NECTIN1: variants seen among roughly 807,000 people sequenced by gnomAD.
NECTIN1 encodes the protein nectin cell adhesion molecule 1.
In NECTIN1, 23 loss-of-function variants were observed where a neutral mutation model predicts 48.0. The ratio of observed to expected loss-of-function variants is 0.48; its 90% CI spans 0.34 to 0.68. NECTIN1 has a LOEUF of 0.68. Among genes scored for constraint, NECTIN1 ranks in the 30% least tolerant of loss-of-function variants. NECTIN1 has a pLI of 0.01. For missense variants in NECTIN1, 591 were observed against 709.9 expected, an observed-to-expected ratio of 0.83 and a Z score of 1.90; for synonymous variants, 270 against 288.9, an observed-to-expected ratio of 0.93 and a Z score of 0.66.
intron 4 of NECTIN1, 155 bp downstream of exon 4, chr11:119,676,947 G>A: frequency 1.4e-6 from 1 of 697,774 alleles, no homozygotes; most frequent in Non-Finnish European, 2.6e-6. Context: ...TGTGTTGGGG[G>A]TGGGGGTTGT....
chr11:119,642,588 G>C (rs1337067595), intron 5 of NECTIN1: 2 of 153,668 alleles, frequency 1.3e-5, no homozygotes, highest in African/African-American at 4.8e-5. Flanking sequence ...GGTGGCAGCT[G>C]TCTCTATAAG....
At chr11:119,728,404 C>G in intron 1 of NECTIN1, 71 bp downstream of exon 1, 1 of 1,437,136 alleles carries the variant, frequency 7.0e-7, no homozygotes, top group South Asian at 1.3e-5. Context: ...TCCAGTCGTG[C>G]CCGCCATCCG....
chr11:119,672,360 A>G lies in NECTIN1; in HGVS notation c.1003+2799T>C, dbSNP rs1436275326. On this transcript the variant is annotated intron_variant, in intron 5 of 5. Coordinates refer to ENST00000264025, the MANE Select transcript of NECTIN1 (RefSeq NM_002855.5). This position sits in a 1 kb window ranked among gnomAD's most constrained non-coding sequence, Gnocchi z 4.3. ...ACCCTGGGCCTCTCCCCACCTTGTCATTACCCCAGAGGGAGAAGGGAGGGA... is the reference window on the plus strand; with the variant it reads ...ACCCTGGGCCTCTCCCCACCTTGTCGTTACCCCAGAGGGAGAAGGGAGGGA... Among the ~76,000 whole-genome samples the G allele has an allele frequency of 6.6e-6, 1 of 151,828 alleles. No individual in the cohort carries two copies. Among genetic ancestry groups the G allele is most frequent in the Non-Finnish European group, 1.5e-5 (1 of 67,900 alleles).
At position 119,709,375 on chromosome 11, in the gene NECTIN1, A is replaced by C. The variant is rs1416626456; in HGVS notation, c.79+19100T>G. Among the ~76,000 whole-genome samples, 2 of 152,122 alleles carry C rather than the reference A, an allele frequency of 1.3e-5. No homozygotes were observed. The highest frequency in any genetic ancestry group is 2.4e-5 in the African/African-American group (1 of 41,412). On this transcript the variant is annotated intron_variant, in intron 1 of 5. Transcript: ENST00000264025. The surrounding 1 kb of genome is among the most constrained non-coding windows in gnomAD (Gnocchi z 4.1). ...CCCAGGGCGCCTCTGTCTGCCACGCACTTGCCTGGGCCACTCTGCTACCTG... is the reference window on the plus strand; with the variant it reads ...CCCAGGGCGCCTCTGTCTGCCACGCCCTTGCCTGGGCCACTCTGCTACCTG...
intron 1 of NECTIN1, among the ~76,000 whole-genome samples, chr11:119,703,494 G>A (rs1250658106): frequency 6.6e-6 from 1 of 152,112 alleles, no homozygotes; most frequent in Non-Finnish European, 1.5e-5. Flanking sequence ...ATAGTAGCTG[G>A]TCCCACACAG....
intron 1 of NECTIN1, among the ~76,000 whole-genome samples, chr11:119,707,103 G>A (rs1865561698): frequency 6.6e-6 from 1 of 152,194 alleles, no homozygotes; most frequent in Non-Finnish European, 1.5e-5. Flanking sequence ...TGGGTGGACA[G>A]GGAAAGGCCG....
At chr11:119,726,948 C>A (rs1252215266) in intron 1 of NECTIN1, among the ~76,000 whole-genome samples, 2 of 152,158 alleles carry the variant, frequency 1.3e-5, no homozygotes, top group African/African-American at 4.8e-5. Flanking sequence ...GAAGACCTCT[C>A]ACTCTCACCA....
intron 1 of NECTIN1, among the ~76,000 whole-genome samples, chr11:119,695,104 T>C (rs552559864): frequency 1.3e-5 from 2 of 152,298 alleles, no homozygotes; most frequent in African/African-American, 2.4e-5. Flanking sequence ...GTCTCCCCAG[T>C]ATGCTGAGAA....
chr11:119,691,530 C>T (rs575770503), intron 1 of NECTIN1, among the ~76,000 whole-genome samples: 3 of 152,240 alleles, frequency 2.0e-5, no homozygotes, highest in Non-Finnish European at 4.4e-5. Context: ...CTGCCTTGCT[C>T]TTGCCCCGCT....
At position 119,678,764 on chromosome 11, in the gene NECTIN1, G is replaced by A. The variant is rs111750499; in HGVS notation, c.81C>T (p.Gly27=). 3.7e-6 allele frequency: 6 copies of A among 1,601,030 alleles called. No homozygotes were observed. In the Admixed American group the frequency reaches 6.9e-5, roughly 18 times the overall value. Residue 27 remains glycine, a splice_region_variant and synonymous_variant, in exon 2 of 6, where the codon GGC becomes GGT. Coordinates refer to ENST00000264025, the MANE Select transcript of NECTIN1 (RefSeq NM_002855.5). The surrounding 1 kb of genome is among the most constrained non-coding windows in gnomAD (Gnocchi z 4.4). Reference sequence around the variant, plus strand: ...TCACCTGGACCACCTGGGAGTGGACGCCTGGCCAGGAGGATGGCAGCAAGT... The same window carrying A: ...TCACCTGGACCACCTGGGAGTGGACACCTGGCCAGGAGGATGGCAGCAAGT... ...ALGLTAFFLP[G]VHSQVVQVND...
At chr11:119,647,757 G>T (rs544917452) in intron 5 of NECTIN1, among the ~76,000 whole-genome samples, 2 of 152,268 alleles carry the variant, frequency 1.3e-5, no homozygotes, top group East Asian at 3.9e-4. Flanking sequence ...CTGAACCTTA[G>T]TTTTCTGTAA....
In NECTIN1 at chr11:119,661,200, G is replaced by A; in HGVS notation, c.*3547C>T. Reference sequence around the variant, plus strand: ...GGTAGCGCATCACGCTGGGAGGGGAGGGTGGCAGCTTCTCCTGGATTCTTT... The same window carrying A: ...GGTAGCGCATCACGCTGGGAGGGGAAGGTGGCAGCTTCTCCTGGATTCTTT... On this transcript the variant is annotated 3_prime_UTR_variant, in exon 6 of 6. Transcript: ENST00000264025. 2.0e-6 allele frequency: 2 copies of A among 985,846 alleles called. No individual in the cohort carries two copies. Among genetic ancestry groups the A allele is most frequent in the Non-Finnish European group, 2.4e-6 (2 of 829,926 alleles). 61.1% of individuals were successfully genotyped at this position (985,846 alleles called of 1,614,324 possible).
In NECTIN1 at chr11:119,682,748, C is replaced by T. The variant is rs187529355; in HGVS notation, c.80-3983G>A. 1.7e-3 allele frequency among the ~76,000 whole-genome samples: 262 copies of T among 152,192 alleles called. 1 individual carries two copies. Among genetic ancestry groups the T allele is most frequent in the African/African-American group, 5.7e-3 (236 of 41,506 alleles). On this transcript the variant is annotated intron_variant, in intron 1 of 5. Coordinates refer to ENST00000264025, the MANE Select transcript of NECTIN1 (RefSeq NM_002855.5). ...GAAAGGCTCATTAGATGCTAGCTTCCATCATCATCATCACCATCATCTTTC... is the reference window on the plus strand; with the variant it reads ...GAAAGGCTCATTAGATGCTAGCTTCTATCATCATCATCACCATCATCTTTC...
At chr11:119,714,114 G>A (rs1221410915) in intron 1 of NECTIN1, among the ~76,000 whole-genome samples, 1 of 152,160 alleles carries the variant, frequency 6.6e-6, no homozygotes, top group Non-Finnish European at 1.5e-5. Flanking sequence ...AACTCAGTCA[G>A]TCCCACCAAA....
downstream of NECTIN1, among the ~76,000 whole-genome samples, chr11:119,658,165 C>T (rs1410061682): frequency 6.6e-6 from 1 of 152,130 alleles, no homozygotes; most frequent in Admixed American, 6.6e-5. Flanking sequence ...AGCTTGGATG[C>T]AGAGTTGCCA....
Position 119,665,370 on chromosome 11 carries a change from G to A in NECTIN1, c.1004-73C>T. ...GGGGTGTAGAGGGGGTGGGAGGGAG[G>A]CAGGGAAAGGAGAGGCCAGGAAGGA... On this transcript the variant is annotated intron_variant, in intron 5 of 5. Coordinates refer to ENST00000264025, the MANE Select transcript of NECTIN1 (RefSeq NM_002855.5). This position sits in a 1 kb window ranked among gnomAD's most constrained non-coding sequence, Gnocchi z 5.1. 2.7e-6 allele frequency: 4 copies of A among 1,468,016 alleles called. No individual in the cohort carries two copies. Among genetic ancestry groups the A allele is most frequent in the Non-Finnish European group, 3.6e-6 (4 of 1,101,346 alleles). 90.9% of individuals were successfully genotyped at this position (1,468,016 alleles called of 1,614,324 possible).
In NECTIN1 at chr11:119,709,391, C is replaced by G. The variant is rs1865598588; in HGVS notation, c.79+19084G>C. Among the ~76,000 whole-genome samples, 1 of 152,128 alleles carries G rather than the reference C, an allele frequency of 6.6e-6. No homozygotes were observed. Among genetic ancestry groups the G allele is most frequent in the Non-Finnish European group, 1.5e-5 (1 of 68,006 alleles). ...CTGCCACGCACTTGCCTGGGCCACTCTGCTACCTGGGGCCGGGGGAGAGCC... is the reference window on the plus strand; with the variant it reads ...CTGCCACGCACTTGCCTGGGCCACTGTGCTACCTGGGGCCGGGGGAGAGCC... On this transcript the variant is annotated intron_variant, in intron 1 of 5. Transcript: ENST00000264025. This position sits in a 1 kb window ranked among gnomAD's most constrained non-coding sequence, Gnocchi z 4.1.
At position 119,663,941 on chromosome 11, in the gene NECTIN1, A is replaced by AGTGTGTGCATGTGTGT. The variant is rs1864713851; in HGVS notation, c.*790_*805dup. The AGTGTGTGCATGTGTGT allele has an allele frequency of 1.0e-6, 1 of 986,394 alleles. No individual in the cohort carries two copies. The highest frequency in any genetic ancestry group is 1.2e-6 in the Non-Finnish European group (1 of 830,798). 61.1% of individuals were successfully genotyped at this position (986,394 alleles called of 1,614,324 possible). A position where few individuals can be genotyped will look rare whatever the true frequency, so the allele number is the denominator to read the frequency against. On this transcript the variant is annotated 3_prime_UTR_variant, in exon 6 of 6. Transcript: ENST00000264025. ...CAGGGGAAAGCAGGCAGAGAGGAGCAGTGTGTGCATGTGTGTGTGTGTGCA... is the reference window on the plus strand; with the variant it reads ...CAGGGGAAAGCAGGCAGAGAGGAGCAGTGTGTGCATGTGTGTGTGTGTGCATGTGTGTGTGTGTGCA...
intron 5 of NECTIN1, among the ~76,000 whole-genome samples, chr11:119,644,103 G>C (rs573047394): frequency 1.3e-5 from 2 of 152,210 alleles, no homozygotes; most frequent in African/African-American, 2.4e-5. Flanking sequence ...GGCTCACGCC[G>C]CAAGGATGGC....
Sources: gnomAD v4.1 joint callset for allele counts (sites outside exome capture counted in the v4.1 genomes callset) on GRCh38, gnomAD v4.1.1 for gene constraint, Gnocchi (gnomAD v3.1) non-coding constraint, MANE v1.5 for transcripts, NCBI Gene and HGNC (gene_info 2026-07-23, HGNC 2026-07-21) for gene names.